The following PFDN1 variants were observed in gnomAD, a reference collection of about 807,000 sequenced individuals.
The protein encoded by PFDN1 is prefoldin 1.
A neutral mutation model predicts 17.3 loss-of-function variants in PFDN1; 6 were observed. The ratio of observed to expected loss-of-function variants is 0.35; its 90% CI spans 0.19 to 0.69. The LOEUF (loss-of-function observed/expected upper bound fraction) is 0.69. PFDN1 is among the 30% of genes least tolerant of loss of function. PFDN1 has a pLI of 0.65. For missense variants in PFDN1, 113 were observed against 146.2 expected (o/e 0.77, Z 1.17); for synonymous variants, 58 against 50.1 (o/e 1.16, Z -0.67).
At chr5:140,293,777 G>A (rs1289180537) in intron 2 of PFDN1, among the ~76,000 whole-genome samples, 1 of 152,008 alleles carries the variant, frequency 6.6e-6, no homozygotes, top group Admixed American at 6.6e-5. Flanking sequence ...TTAAGAATAT[G>A]ACTTAAAAAT....
intron 3 of PFDN1, among the ~76,000 whole-genome samples, chr5:140,268,260 T>C (rs1765160011): frequency 6.6e-6 from 1 of 152,138 alleles, no homozygotes; most frequent in African/African-American, 2.4e-5. Flanking sequence ...ATAAAAATGG[T>C]AAAAGCCCTA....
intron 2 of PFDN1, chr5:140,292,882 T>C (rs1022511349): frequency 3.9e-5 from 6 of 152,136 alleles, no homozygotes; most frequent in African/African-American, 1.4e-4. Flanking sequence ...CGTGTTCATA[T>C]ATATGAACTG....
At chr5:140,292,351 T>C (rs1026365500) in intron 2 of PFDN1, among the ~76,000 whole-genome samples, 1 of 152,178 alleles carries the variant, frequency 6.6e-6, no homozygotes, top group East Asian at 1.9e-4. Context: ...CAGAATGTCA[T>C]AGAGAAATAT....
At chr5:140,292,647 G>A (rs1394296153) in intron 2 of PFDN1, among the ~76,000 whole-genome samples, 1 of 152,056 alleles carries the variant, frequency 6.6e-6, no homozygotes, top group Non-Finnish European at 1.5e-5. Flanking sequence ...TTGGTAATAA[G>A]AGTTCCTGGC....
At chr5:140,273,658 GTTT>G (rs757672294) in intron 3 of PFDN1, among the ~76,000 whole-genome samples, 1 of 147,048 alleles carries the variant, frequency 6.8e-6, no homozygotes, top group Non-Finnish European at 1.5e-5. Context: ...GACTTTAACA[GTTT>G]TTTTTTTTTA....
intron 3 of PFDN1, among the ~76,000 whole-genome samples, chr5:140,259,796 T>C (rs767667855): frequency 6.6e-6 from 1 of 152,204 alleles, no homozygotes; most frequent in Non-Finnish European, 1.5e-5. Context: ...CTAAAGTCAA[T>C]CCTGATCCTG....
chr5:140,301,339 A>G (rs754844999), intron 1 of PFDN1, among the ~76,000 whole-genome samples: 5 of 152,230 alleles, frequency 3.3e-5, no homozygotes, highest in Admixed American at 6.5e-5. Context: ...ATCCACAGAT[A>G]CCAGGCCAAA....
chr5:140,250,727 T>C (rs1293066246), intron 3 of PFDN1, among the ~76,000 whole-genome samples: 1 of 152,206 alleles, frequency 6.6e-6, no homozygotes, highest in Non-Finnish European at 1.5e-5. Context: ...CCTCCCAACT[T>C]GAATAATCAA....
chr5:140,258,004 G>A (rs773669150), intron 3 of PFDN1, among the ~76,000 whole-genome samples: 1 of 152,126 alleles, frequency 6.6e-6, no homozygotes, highest in Non-Finnish European at 1.5e-5. Context: ...AATGGAGTCC[G>A]GCAAGTTGGG....
intron 2 of PFDN1, among the ~76,000 whole-genome samples, chr5:140,286,362 A>T (rs1765488266): frequency 6.8e-6 from 1 of 147,898 alleles, no homozygotes; most frequent in African/African-American, 2.5e-5. Context: ...CAGTGAGCCA[A>T]GATCGTACCA....
rs988707121 is a variant in PFDN1, at chr5:140,245,039, G to C, written c.*935C>G. 5.2e-6 allele frequency: 1 copy of C among 192,476 alleles called. No individual in the cohort carries two copies. The highest frequency in any genetic ancestry group is 2.4e-5 in the African/African-American group (1 of 42,178). The allele number at this position is 192,476 out of a possible 1,614,324, so 11.9% of individuals were successfully genotyped here. On this transcript the variant is annotated 3_prime_UTR_variant, in exon 4 of 4. Coordinates refer to ENST00000261813, the MANE Select transcript of PFDN1 (RefSeq NM_002622.5). ...ACAGATCACAGTCAGTGCACAGATA[G>C]AGCACAGATCGTGGTCAAATGTAGT...
chr5:140,260,138 A>T (rs984193904), intron 3 of PFDN1, among the ~76,000 whole-genome samples: 3 of 152,082 alleles, frequency 2.0e-5, no homozygotes, highest in Admixed American at 1.3e-4. Flanking sequence ...AGGAATTTGA[A>T]ACCAGCCTGG....
chr5:140,294,704 T>A (rs1014218870), intron 2 of PFDN1, among the ~76,000 whole-genome samples: 4 of 152,100 alleles, frequency 2.6e-5, no homozygotes, highest in African/African-American at 7.2e-5. Context: ...AGATTTTTTT[T>A]AATTGTTACC....
At chr5:140,294,064 C>T (rs1765618071) in intron 2 of PFDN1, among the ~76,000 whole-genome samples, 1 of 152,044 alleles carries the variant, frequency 6.6e-6, no homozygotes, top group Non-Finnish European at 1.5e-5. Context: ...TCTCATCTTA[C>T]TTTTGACAAC....
intron 3 of PFDN1, among the ~76,000 whole-genome samples, chr5:140,249,069 A>C (rs1392908173): frequency 6.6e-6 from 1 of 152,232 alleles, no homozygotes; most frequent in Non-Finnish European, 1.5e-5. Context: ...ACTGTATTTC[A>C]ATAATTCCTG....
At chr5:140,278,557 CAAAAAAAAAAA>C (rs113129230) in intron 3 of PFDN1, among the ~76,000 whole-genome samples, 10 of 79,006 alleles carry the variant, frequency 1.3e-4, no homozygotes, top group Non-Finnish European at 1.2e-4. Flanking sequence ...GACTCTGTCT[CAAAAAAAAAAA>C]AAAAAAAAAA....
chr5:140,293,714 G>C (rs1414533581), intron 2 of PFDN1, among the ~76,000 whole-genome samples: 1 of 152,038 alleles, frequency 6.6e-6, no homozygotes, highest in East Asian at 1.9e-4. Flanking sequence ...GACAGCAGTA[G>C]AGCAGAGTTA....
chr5:140,281,822 G>C (rs745418565), intron 2 of PFDN1: 176 of 266,804 alleles, frequency 6.6e-4, no homozygotes, highest in Non-Finnish European at 1.1e-3. Context: ...AGGATTGTTT[G>C]AGCCCAGGTG....
At position 140,296,935 on chromosome 5, in the gene PFDN1, T is replaced by C. The variant is rs183818370; in HGVS notation, c.200+3481A>G. 7.1e-4 allele frequency among the ~76,000 whole-genome samples: 108 copies of C among 152,274 alleles called. No individual in the cohort carries two copies. The Middle Eastern group carries it at 0.017, about 24-fold the overall frequency. On this transcript the variant is annotated intron_variant, in intron 2 of 3. Transcript: ENST00000261813. ...AGAACAGATTATGAATAACCATGAA[T>C]GCAAGGCCAACAAGTTTAGATTTTA...
Sources: allele counts gnomAD v4.1 joint callset (sites outside exome capture counted in the v4.1 genomes callset), GRCh38; gene constraint gnomAD v4.1.1; transcripts MANE v1.5; gene names NCBI Gene and HGNC (gene_info 2026-07-23, HGNC 2026-07-21).